The following ANKRD13A variants were observed in gnomAD, a reference collection of about 807,000 sequenced individuals.
ANKRD13A encodes ankyrin repeat domain-containing protein 13A.
Under a neutral mutation model 81.3 loss-of-function variants are expected in ANKRD13A, and 48 were observed. That is an observed-to-expected ratio of 0.59 (90% confidence interval 0.47 to 0.75). ANKRD13A has a LOEUF of 0.75. ANKRD13A is among the 30% of genes least tolerant of loss of function. ANKRD13A has a pLI of 0.00. For synonymous variants in ANKRD13A, 230 were observed against 270.1 expected, an observed-to-expected ratio of 0.85 and a Z score of 1.45; for missense variants, 612 against 734.0, an observed-to-expected ratio of 0.83 and a Z score of 1.92.
chr12:110,032,379 A>AC (rs1891743804), intron 12 of ANKRD13A: 1 of 152,246 alleles, frequency 6.6e-6, no homozygotes, highest in Non-Finnish European at 1.5e-5. Flanking sequence ...TTTAATGTAT[A>AC]TAAATTAAGA....
At chr12:110,033,774 T>G in intron 12 of ANKRD13A, 23 bp from the exon 13 acceptor site, 4 of 1,579,888 alleles carry the variant, frequency 2.5e-6, no homozygotes, top group Non-Finnish European at 3.4e-6. Flanking sequence ...ACTCAGACAC[T>G]GGACGGTTGC....
chr12:110,018,315 T>TCC lies in ANKRD13A; in HGVS notation c.401-30_401-29insCC. ...TAGGTATTCTTCTTGGCCCTTGAGT[T>TCC]TTTCTCAGTAGTACACTTCTCTCCT... is the stretch of plus-strand genomic sequence containing the variant. On this transcript the variant is annotated intron_variant, in intron 4 of 14. Transcript: ENST00000261739. The surrounding 1 kb of genome is among the most constrained non-coding windows in gnomAD (Gnocchi z 4.4). 6.2e-7 allele frequency: 1 copy of TCC among 1,603,062 alleles called. No individual in the cohort carries two copies. The highest frequency in any genetic ancestry group is 2.2e-5 in the East Asian group (1 of 44,578).
chr12:110,013,701 G>T (rs1404600348), intron 3 of ANKRD13A, among the ~76,000 whole-genome samples: 1 of 152,084 alleles, frequency 6.6e-6, no homozygotes, highest in Non-Finnish European at 1.5e-5. Flanking sequence ...AACCCAGAAG[G>T]TTGAGGCTGC....
At chr12:110,021,199 G>A in intron 6 of ANKRD13A, 1 of 455,356 alleles carries the variant, frequency 2.2e-6, no homozygotes, top group Non-Finnish European at 4.4e-6. Context: ...TTTTAATGGT[G>A]CTCAGAATTA....
chr12:110,005,546 G>A (rs1035248208), intron 1 of ANKRD13A, among the ~76,000 whole-genome samples: 12 of 152,110 alleles, frequency 7.9e-5, no homozygotes, highest in Admixed American at 4.6e-4. Context: ...CTCTAGATTT[G>A]CCTATTCTGG....
Position 110,033,928 on chromosome 12 carries a change from C to G in ANKRD13A, c.1480C>G (p.Gln494Glu). The change falls in exon 13 of 15, where the codon CAA becomes GAA. Residue 494 changes from glutamine to glutamate, a missense_variant. Gln to Glu is a conservative substitution (Grantham distance 29, BLOSUM62 2). Coordinates refer to ENST00000261739, the MANE Select transcript of ANKRD13A (RefSeq NM_033121.2). The part of the protein sequence containing the change: ...DYEIMQFAIQ[Q>E]SLLESSRSQE... The stretch of plus-strand genomic sequence containing the variant: ...CGAGATAATGCAGTTTGCCATCCAG[C>G]AAAGTCTGCTGGAGTCCAGCAGGAG... The G allele has an allele frequency of 6.2e-7, 1 of 1,611,046 alleles. No individual in the cohort carries two copies. The highest frequency in any genetic ancestry group is 8.5e-7 in the Non-Finnish European group (1 of 1,178,630).
chr12:110,034,152 C>T (rs766134618), intron 13 of ANKRD13A, among the ~76,000 whole-genome samples, 195 bp downstream of exon 13: 43 of 152,214 alleles, frequency 2.8e-4, no homozygotes, highest in South Asian at 2.1e-4. Flanking sequence ...TACATAATCC[C>T]AGTCAGCACC....
chr12:110,018,618 C>T lies in ANKRD13A; in HGVS notation c.544+130C>T. The T allele has an allele frequency of 9.0e-7, 1 of 1,112,112 alleles. No homozygotes were observed. The highest frequency in any genetic ancestry group is 1.3e-6 in the Non-Finnish European group (1 of 792,962). 68.9% of individuals were successfully genotyped at this position (1,112,112 alleles called of 1,614,324 possible). A position where few individuals can be genotyped will look rare whatever the true frequency, so the allele number is the denominator to read the frequency against. On this transcript the variant is annotated intron_variant, in intron 5 of 14. Transcript: ENST00000261739. This position sits in a 1 kb window ranked among gnomAD's most constrained non-coding sequence, Gnocchi z 4.4. Reference sequence around the variant, plus strand: ...CCTAGGGCATGTTTTTTTGGTTATTCTTATTAATTATTCAGCTCTCCATCC... The same window carrying T: ...CCTAGGGCATGTTTTTTTGGTTATTTTTATTAATTATTCAGCTCTCCATCC...
At chr12:110,012,268 G>T (rs1195735480) in intron 2 of ANKRD13A, 131 bp downstream of exon 2, 2 of 1,092,350 alleles carry the variant, frequency 1.8e-6, no homozygotes, top group South Asian at 1.8e-5. Context: ...AGGAGGCTGA[G>T]GGGGTAGGAT....
chr12:110,037,241 A>G, intron 14 of ANKRD13A, 118 bp from the exon 15 acceptor site: 1 of 990,336 alleles, frequency 1.0e-6, no homozygotes. Context: ...AATTGGCATC[A>G]TGCATATTAA....
At chr12:110,014,789 C>CTCTTTTTTTTTTTT (rs1890702713) in intron 3 of ANKRD13A, among the ~76,000 whole-genome samples, 1 of 135,708 alleles carries the variant, frequency 7.4e-6, no homozygotes, top group African/African-American at 3.1e-5. Flanking sequence ...CATTTCTCTT[C>CTCTTTTTTTTTTTT]TTTTTTTTTT....
chr12:110,025,962 CTCT>C (rs1593221650), intron 8 of ANKRD13A, 139 bp downstream of exon 8: 33 of 648,402 alleles, frequency 5.1e-5, no homozygotes, highest in South Asian at 6.9e-5. Context: ...CTCTCTCTCT[CTCT>C]TTTTTTTTTT....
chr12:110,036,006 A>G lies in ANKRD13A; in HGVS notation c.1510-255A>G, dbSNP rs2137191638. Among the ~76,000 whole-genome samples the G allele has an allele frequency of 6.6e-6, 1 of 152,230 alleles. No homozygotes were observed. The highest frequency in any genetic ancestry group is 1.9e-4 in the East Asian group (1 of 5,182). ...GTTGTGTATATCTTCCACGTGGGTT[A>G]GCTGTATTTAAGAGACTGATTTTGT... On this transcript the variant is annotated intron_variant, in intron 13 of 14. Coordinates refer to ENST00000261739, the MANE Select transcript of ANKRD13A (RefSeq NM_033121.2). The surrounding 1 kb of genome is among the most constrained non-coding windows in gnomAD (Gnocchi z 4.6).
intron 7 of ANKRD13A, among the ~76,000 whole-genome samples, chr12:110,024,756 A>G (rs1399310110): frequency 1.3e-5 from 2 of 152,208 alleles, no homozygotes; most frequent in Admixed American, 6.5e-5. Context: ...TACATTTAGA[A>G]GCACTTGTCA....
At chr12:110,027,343 C>T in intron 8 of ANKRD13A, 1 of 239,950 alleles carries the variant, frequency 4.2e-6, no homozygotes, top group Admixed American at 5.1e-5. Context: ...AATTGTTCAC[C>T]AGCACCACCA....
intron 8 of ANKRD13A, chr12:110,026,890 G>T (rs1359320530): frequency 2.6e-5 from 4 of 151,966 alleles, no homozygotes; most frequent in African/African-American, 9.7e-5. Flanking sequence ...TCAAAAAAAA[G>T]AAAAAGGAAA....
intron 1 of ANKRD13A, among the ~76,000 whole-genome samples, chr12:110,002,052 T>A (rs796343052): frequency 3.3e-4 from 51 of 152,256 alleles, no homozygotes; most frequent in African/African-American, 1.1e-3. Context: ...AGTGCTGGGA[T>A]TACAGGCATG....
rs1890612131 is a variant in ANKRD13A, at chr12:110,013,107, C to T, written c.230-18C>T. On this transcript the variant is annotated intron_variant, in intron 2 of 14. Transcript: ENST00000261739. ...GTCAGAAAGTATGAGAATTAAATTT[C>T]ACCCTTTTGTTTTCTAGTTTTACAT... 3.1e-6 allele frequency: 5 copies of T among 1,612,314 alleles called. No homozygotes were observed. The highest frequency in any genetic ancestry group is 1.3e-5 in the African/African-American group (1 of 74,952).
rs1299273299 is a variant in ANKRD13A at position 109,999,454 on chromosome 12, C to G, written c.-235C>G. 2 of 235,110 alleles carry G rather than the reference C, an allele frequency of 8.5e-6. No homozygotes were observed. Among genetic ancestry groups the G allele is most frequent in the African/African-American group, 2.3e-5 (1 of 43,582 alleles). 14.6% of individuals were successfully genotyped at this position (235,110 alleles called of 1,614,324 possible). A position where few individuals can be genotyped will look rare whatever the true frequency, so the allele number is the denominator to read the frequency against. On this transcript the variant is annotated 5_prime_UTR_variant, in exon 1 of 15. Coordinates refer to ENST00000261739, the MANE Select transcript of ANKRD13A (RefSeq NM_033121.2). The surrounding 1 kb of genome is among the most constrained non-coding windows in gnomAD (Gnocchi z 4.3). ...CAGAAGTCTGTCCGCGAGCTGTCAGCGCGGGCGGGAACGCCGCGGGGCGCG... is the reference window on the plus strand; with the variant it reads ...CAGAAGTCTGTCCGCGAGCTGTCAGGGCGGGCGGGAACGCCGCGGGGCGCG...
Sources: gnomAD v4.1 joint callset for allele counts (sites outside exome capture counted in the v4.1 genomes callset) on GRCh38, gnomAD v4.1.1 for gene constraint, Gnocchi (gnomAD v3.1) non-coding constraint, MANE v1.5 for transcripts, NCBI Gene and HGNC (gene_info 2026-07-23, HGNC 2026-07-21) for gene names.